SPRR2G: variants seen among roughly 807,000 people sequenced by gnomAD.
SPRR2G encodes small proline-rich protein 2G.
Under a neutral mutation model 0.7 loss-of-function variants are expected in SPRR2G, and 1 was observed. The observed-to-expected ratio is 1.49, with a 90% CI of 0.53 to 7.06. SPRR2G has a LOEUF of 7.06. Ranked by LOEUF, SPRR2G falls within the 30% of genes most tolerant of loss-of-function variation. The pLI is 0.14. For synonymous variants in SPRR2G, 38 were observed against 33.9 expected, an observed-to-expected ratio of 1.12 and a Z score of -0.42; for missense variants, 96 against 88.5, an observed-to-expected ratio of 1.09 and a Z score of -0.34.
chr1:153,166,868 A>G, the SPRR2G span, among the ~76,000 whole-genome samples: 1 of 122,742 alleles, frequency 8.1e-6, no homozygotes, highest in African/African-American at 2.7e-5. Context: ...AGTATCACAG[A>G]ATTTGAGGGC....
chr1:153,181,262 A>G, the SPRR2G span, among the ~76,000 whole-genome samples: 6 of 152,036 alleles, frequency 3.9e-5, 1 homozygote, highest in Admixed American at 6.6e-5. Flanking sequence ...TTGGTTGTGT[A>G]ATATATTTTT....
chr1:153,155,244 C>A (rs1656558207), upstream of SPRR2G, among the ~76,000 whole-genome samples: 1 of 152,136 alleles, frequency 6.6e-6, no homozygotes, highest in Non-Finnish European at 1.5e-5. Flanking sequence ...CTCTAGATAT[C>A]TCTGTCCAAA....
At chr1:153,154,698 T>C (rs1375809291), upstream of SPRR2G, among the ~76,000 whole-genome samples, 1 of 152,126 alleles carries the variant, frequency 6.6e-6, no homozygotes, top group Non-Finnish European at 1.5e-5. Context: ...TCAGTTTTCA[T>C]ATCTCCTCTT....
the SPRR2G span, among the ~76,000 whole-genome samples, chr1:153,183,903 G>T: frequency 4.6e-5 from 7 of 152,180 alleles, no homozygotes; most frequent in Admixed American, 6.5e-5. Context: ...TGTATAAGGT[G>T]TAAGGAAGGG....
chr1:153,156,206 A>C, the SPRR2G span, among the ~76,000 whole-genome samples: 1 of 152,356 alleles, frequency 6.6e-6, no homozygotes, highest in South Asian at 2.1e-4. Context: ...GAAAAAAATA[A>C]CATTTAATAT....
chr1:153,171,510 C>T, the SPRR2G span, among the ~76,000 whole-genome samples: 719 of 152,270 alleles, frequency 4.7e-3, 2 homozygotes, highest in Non-Finnish European at 7.7e-3. Context: ...GTACCTGAAT[C>T]TCCACTGCAC....
At chr1:153,158,882 AGC>A in the SPRR2G span, among the ~76,000 whole-genome samples, 2 of 152,178 alleles carry the variant, frequency 1.3e-5, no homozygotes, top group African/African-American at 4.8e-5. Context: ...CTTTGCAGGA[AGC>A]CATGGCCAGG....
the SPRR2G span, among the ~76,000 whole-genome samples, chr1:153,179,812 A>T: frequency 6.6e-6 from 1 of 152,102 alleles, no homozygotes; most frequent in African/African-American, 2.4e-5. Flanking sequence ...CCTGATTTCT[A>T]TCTTGTCTCC....
chr1:153,164,316 G>T, the SPRR2G span, among the ~76,000 whole-genome samples: 6 of 152,300 alleles, frequency 3.9e-5, no homozygotes, highest in Non-Finnish European at 7.4e-5. Context: ...CAGGAAGAGA[G>T]GTACAAGAAA....
chr1:153,170,210 T>G, the SPRR2G span, among the ~76,000 whole-genome samples: 1 of 152,220 alleles, frequency 6.6e-6, no homozygotes, highest in Non-Finnish European at 1.5e-5. Flanking sequence ...GGATATCAAC[T>G]TGGTAACCTC....
At chr1:153,183,779 C>A in the SPRR2G span, among the ~76,000 whole-genome samples, 1 of 152,188 alleles carries the variant, frequency 6.6e-6, no homozygotes, top group East Asian at 1.9e-4. Context: ...GTGTTTCAGT[C>A]ATGAAGTCTT....
At chr1:153,154,316 T>C (rs576686191), upstream of SPRR2G, among the ~76,000 whole-genome samples, 4 of 152,232 alleles carry the variant, frequency 2.6e-5, no homozygotes, top group South Asian at 8.3e-4. Flanking sequence ...GGCCTGTAAT[T>C]TTTTTATAAT....
chr1:153,177,334 G>T, the SPRR2G span, among the ~76,000 whole-genome samples: 1 of 152,124 alleles, frequency 6.6e-6, no homozygotes, highest in African/African-American at 2.4e-5. Context: ...GTCTTTCGTG[G>T]ACATGTTATT....
At chr1:153,156,786 T>C in the SPRR2G span, among the ~76,000 whole-genome samples, 11 of 152,098 alleles carry the variant, frequency 7.2e-5, no homozygotes, top group African/African-American at 2.2e-4. Flanking sequence ...TAGTACAAAT[T>C]TGGGGAGAGA....
At chr1:153,166,385 C>CT in the SPRR2G span, among the ~76,000 whole-genome samples, 1 of 152,140 alleles carries the variant, frequency 6.6e-6, no homozygotes. Flanking sequence ...GGGCATTTAA[C>CT]TTAGTTACTT....
chr1:153,172,714 G>A, the SPRR2G span, among the ~76,000 whole-genome samples: 1 of 152,218 alleles, frequency 6.6e-6, no homozygotes. Flanking sequence ...CCAAAAGTTT[G>A]ACTGTGCTTG....
At chr1:153,175,106 A>T in the SPRR2G span, among the ~76,000 whole-genome samples, 1 of 152,104 alleles carries the variant, frequency 6.6e-6, no homozygotes, top group East Asian at 1.9e-4. Flanking sequence ...ATTCCACCTG[A>T]TATCTCCTCT....
At chr1:153,159,497 C>T in the SPRR2G span, among the ~76,000 whole-genome samples, 1 of 152,200 alleles carries the variant, frequency 6.6e-6, no homozygotes, top group Non-Finnish European at 1.5e-5. Flanking sequence ...TTCTTCTGAG[C>T]CCTCCAAACT....
chr1:153,189,421 A>T, the SPRR2G span, among the ~76,000 whole-genome samples: 1 of 151,870 alleles, frequency 6.6e-6, no homozygotes, highest in Non-Finnish European at 1.5e-5. Context: ...TGTTCATTTT[A>T]CCAAATAAAA....
Sources: allele counts gnomAD v4.1 joint callset (sites outside exome capture counted in the v4.1 genomes callset), GRCh38; gene constraint gnomAD v4.1.1; transcripts MANE v1.5; gene names NCBI Gene and HGNC (gene_info 2026-07-23, HGNC 2026-07-21).